The following CADM2 variants were observed in gnomAD, a reference collection of about 807,000 sequenced individuals.
The protein encoded by CADM2 is cell adhesion molecule 2.
In CADM2, 12 loss-of-function variants were observed where a neutral mutation model predicts 49.8. That is an observed-to-expected ratio of 0.24 (90% CI 0.15 to 0.39). The LOEUF (loss-of-function observed/expected upper bound fraction) is 0.39, where lower values mean the gene tolerates loss of function less well. Among genes scored for constraint, CADM2 ranks in the 10% least tolerant of loss-of-function variants. The pLI is 1.00. For missense variants in CADM2, 378 were observed against 492.3 expected (o/e 0.77, Z 2.20); for synonymous variants, 214 against 175.4 (o/e 1.22, Z -1.74).
intron 3 of CADM2, among the ~76,000 whole-genome samples, chr3:85,863,590 C>G (rs1262627861): frequency 6.6e-6 from 1 of 152,178 alleles, no homozygotes; most frequent in Admixed American, 6.5e-5. Flanking sequence ...GATAATGCAG[C>G]ACAAGGCCTT....
intron 8 of CADM2, among the ~76,000 whole-genome samples, chr3:86,063,309 T>A (rs1457975898): frequency 1.3e-5 from 2 of 152,230 alleles, no homozygotes. Context: ...AAGTACTTCA[T>A]GATAATAAAT....
At chr3:85,761,398 G>A (rs1488706610) in intron 2 of CADM2, among the ~76,000 whole-genome samples, 74 of 102,338 alleles carry the variant, frequency 7.2e-4, no homozygotes, top group African/African-American at 3.8e-3. Context: ...TTTGGAGACA[G>A]AATCTCACTC....
chr3:85,655,376 G>T (rs1380954742), intron 1 of CADM2, among the ~76,000 whole-genome samples: 8 of 151,924 alleles, frequency 5.3e-5, no homozygotes, highest in African/African-American at 9.7e-5. Flanking sequence ...GGCCAGGCTG[G>T]TCTCGAACTC....
At chr3:85,820,749 G>T (rs1177617253) in intron 3 of CADM2, among the ~76,000 whole-genome samples, 156 of 152,074 alleles carry the variant, frequency 1.0e-3, no homozygotes, top group Non-Finnish European at 1.3e-4. Context: ...GCAAGTTAAA[G>T]ATCTTAAATA....
At chr3:85,064,404 T>C (rs1279880162) in intron 1 of CADM2, among the ~76,000 whole-genome samples, 1 of 152,146 alleles carries the variant, frequency 6.6e-6, no homozygotes, top group Non-Finnish European at 1.5e-5. Context: ...CTTTTCCCTT[T>C]TTGTGATCTT....
At chr3:85,707,275 T>A (rs2066979446) in intron 1 of CADM2, among the ~76,000 whole-genome samples, 1 of 152,040 alleles carries the variant, frequency 6.6e-6, no homozygotes, top group Non-Finnish European at 1.5e-5. Flanking sequence ...GTAGTTAGGA[T>A]GTAAAACTGA....
chr3:85,114,065 A>G (rs1219674832), intron 1 of CADM2, among the ~76,000 whole-genome samples: 1 of 152,078 alleles, frequency 6.6e-6, no homozygotes, highest in African/African-American at 2.4e-5. Context: ...AACCATAAGT[A>G]TAGGATCCAT....
chr3:85,963,168 G>A (rs926188694), intron 8 of CADM2, among the ~76,000 whole-genome samples: 53 of 151,892 alleles, frequency 3.5e-4, no homozygotes, highest in African/African-American at 1.2e-3. Context: ...ACTTAATACT[G>A]CTTTGCTATG....
At position 85,208,653 on chromosome 3, in the gene CADM2, G is replaced by T. The variant is rs181847260; in HGVS notation, c.61+248985G>T. Among the ~76,000 whole-genome samples, 273 of 152,202 alleles carry T rather than the reference G, an allele frequency of 1.8e-3. 1 individual carries two copies. The highest frequency in any genetic ancestry group is 6.3e-3 in the African/African-American group (262 of 41,550). ...CTTGCAGAATGACAGAGGTAAAGAG[G>T]ATACATTTAAGTGGAGACAGGCAGC... On this transcript the variant is annotated intron_variant, in intron 1 of 9. Transcript: ENST00000383699.
chr3:85,720,376 A>T lies in CADM2; in HGVS notation c.62-6146A>T, dbSNP rs576157584. 7.2e-5 allele frequency among the ~76,000 whole-genome samples: 11 copies of T among 152,296 alleles called. No individual in the cohort carries two copies. In the South Asian group the frequency reaches 1.4e-3, roughly 20 times the overall value. On this transcript the variant is annotated intron_variant, in intron 1 of 9. Coordinates refer to ENST00000383699, the MANE Select transcript of CADM2 (RefSeq NM_001167675.2). ...TTTTACTGATATTACCTGAATGGTA[A>T]TCATTGCCTAAATATGAGTATTTGC...
intron 8 of CADM2, among the ~76,000 whole-genome samples, chr3:85,964,235 T>A (rs74422067): frequency 0.041 from 6,194 of 151,904 alleles, 419 homozygotes; most frequent in African/African-American, 0.14. Context: ...GTGAGAACTT[T>A]ACCCTTTTAT....
At chr3:86,021,091 C>T (rs903202025) in intron 8 of CADM2, among the ~76,000 whole-genome samples, 1 of 152,126 alleles carries the variant, frequency 6.6e-6, no homozygotes, top group Non-Finnish European at 1.5e-5. Context: ...CCTCCGCCTC[C>T]CAGGTTTAAG....
intron 1 of CADM2, among the ~76,000 whole-genome samples, chr3:85,086,442 G>A (rs949513790): frequency 4.6e-5 from 7 of 151,138 alleles, no homozygotes; most frequent in African/African-American, 9.7e-5. Flanking sequence ...ATACTAGATG[G>A]TGTTTATTTT....
In CADM2 at chr3:85,935,720, G is replaced by A. The variant is rs1325056803; in HGVS notation, c.701-47G>A. 3 of 1,014,772 alleles carry A rather than the reference G, an allele frequency of 3.0e-6. No individual in the cohort carries two copies. In the South Asian group the frequency reaches 4.6e-5, roughly 15 times the overall value. 62.9% of individuals were successfully genotyped at this position (1,014,772 alleles called of 1,614,324 possible). A position where few individuals can be genotyped will look rare whatever the true frequency, so the allele number is the denominator to read the frequency against. ...ATGATGCACAGTTATTAAATATCTA[G>A]TTTTGTATGTGTTTAATTACCTTTC... is the stretch of plus-strand genomic sequence containing the variant. On this transcript the variant is annotated intron_variant, in intron 6 of 9. Coordinates refer to ENST00000383699, the MANE Select transcript of CADM2 (RefSeq NM_001167675.2).
intron 1 of CADM2, among the ~76,000 whole-genome samples, chr3:84,972,694 T>C (rs1055360050): frequency 1.9e-4 from 29 of 152,336 alleles, no homozygotes; most frequent in African/African-American, 7.0e-4. Flanking sequence ...ATTTTATTCT[T>C]CATAGCCTTT....
At chr3:86,013,779 A>T in intron 8 of CADM2, 2 of 1,589,900 alleles carry the variant, frequency 1.3e-6, no homozygotes, top group East Asian at 4.5e-5. Context: ...TCACACTATG[A>T]TAACTGAGAA....
At chr3:85,551,630 T>G (rs1043746599) in intron 1 of CADM2, among the ~76,000 whole-genome samples, 1 of 152,204 alleles carries the variant, frequency 6.6e-6, no homozygotes, top group African/African-American at 2.4e-5. Flanking sequence ...TGTTTCATTC[T>G]TTTGTTAAAA....
chr3:85,088,840 T>C (rs1226279338), intron 1 of CADM2, among the ~76,000 whole-genome samples: 4 of 152,138 alleles, frequency 2.6e-5, no homozygotes. Context: ...ATTATCTCCA[T>C]TGATAATTTC....
At chr3:85,157,910 A>C (rs1428507829) in intron 1 of CADM2, among the ~76,000 whole-genome samples, 1 of 152,182 alleles carries the variant, frequency 6.6e-6, no homozygotes, top group Non-Finnish European at 1.5e-5. Flanking sequence ...GGCAACCTAC[A>C]AAATGGGAGA....
Sources: gnomAD v4.1 joint callset for allele counts (sites outside exome capture counted in the v4.1 genomes callset) on GRCh38, gnomAD v4.1.1 for gene constraint, MANE v1.5 for transcripts, NCBI Gene and HGNC (gene_info 2026-07-23, HGNC 2026-07-21) for gene names.